The following QTMAN variants were observed in gnomAD, a reference collection of about 807,000 sequenced individuals.
QTMAN encodes the protein queuosine-tRNA mannosyltransferase.
the QTMAN span, among the ~76,000 whole-genome samples, chr2:144,316,070 TA>T: frequency 2.0e-5 from 3 of 152,186 alleles, no homozygotes; most frequent in African/African-American, 7.2e-5. Context: ...TGGCGAGACC[TA>T]ATCTCTACAG....
the QTMAN span, chr2:143,970,645 A>C: frequency 7.0e-7 from 1 of 1,428,122 alleles, no homozygotes; most frequent in African/African-American, 1.4e-5. Context: ...AAAATTCAAC[A>C]GAGGTACCTG....
the QTMAN span, among the ~76,000 whole-genome samples, chr2:144,165,392 T>A: frequency 3.1e-5 from 4 of 127,258 alleles, no homozygotes; most frequent in East Asian, 3.5e-4. Flanking sequence ...TAAATAAATA[T>A]AAATAAATAA....
the QTMAN span, among the ~76,000 whole-genome samples, chr2:144,109,312 T>C: frequency 6.6e-6 from 1 of 152,190 alleles, no homozygotes; most frequent in Non-Finnish European, 1.5e-5. Flanking sequence ...CCCTATTTAA[T>C]AAATGGTGCT....
the QTMAN span, among the ~76,000 whole-genome samples, chr2:144,160,050 G>T: frequency 1.3e-5 from 2 of 152,070 alleles, no homozygotes; most frequent in African/African-American, 4.8e-5. Flanking sequence ...GTTATGAGAT[G>T]ATTAGAGCAA....
chr2:144,049,764 G>A, the QTMAN span, among the ~76,000 whole-genome samples: 3 of 152,220 alleles, frequency 2.0e-5, no homozygotes, highest in African/African-American at 4.8e-5. Flanking sequence ...CATACATAAT[G>A]TCAGCAGCCT....
At chr2:144,177,264 A>AC in the QTMAN span, 25 of 665,476 alleles carry the variant, frequency 3.8e-5, 1 homozygote, top group Non-Finnish European at 6.2e-5. Context: ...AAAAAAAAAA[A>AC]AACATTGTTT....
the QTMAN span, among the ~76,000 whole-genome samples, chr2:144,172,742 G>T: frequency 6.6e-6 from 1 of 150,906 alleles, no homozygotes; most frequent in African/African-American, 2.4e-5. Context: ...AAAATACTAA[G>T]ATAAATATTT....
the QTMAN span, among the ~76,000 whole-genome samples, chr2:144,318,713 T>C: frequency 6.6e-6 from 1 of 152,234 alleles, no homozygotes; most frequent in Non-Finnish European, 1.5e-5. Context: ...TGAATAAAGA[T>C]TTCAAGGTAA....
chr2:143,944,265 CTACA>C, the QTMAN span: 1 of 151,334 alleles, frequency 6.6e-6, no homozygotes, highest in East Asian at 1.9e-4. Flanking sequence ...ACACACACTC[CTACA>C]TATTTTTAAA....
chr2:144,302,411 A>G, the QTMAN span, among the ~76,000 whole-genome samples: 1 of 152,164 alleles, frequency 6.6e-6, no homozygotes, highest in Non-Finnish European at 1.5e-5. Context: ...AACACTACAC[A>G]GATGAAATGA....
chr2:144,307,672 T>C, the QTMAN span, among the ~76,000 whole-genome samples: 4 of 152,252 alleles, frequency 2.6e-5, no homozygotes, highest in African/African-American at 9.6e-5. Flanking sequence ...AAATCAATTC[T>C]AGTTCTGTAT....
chr2:144,123,166 A>G, the QTMAN span, among the ~76,000 whole-genome samples: 88 of 152,306 alleles, frequency 5.8e-4, no homozygotes, highest in African/African-American at 2.1e-3. Context: ...CTATCATTAT[A>G]TCTTAACTAC....
the QTMAN span, among the ~76,000 whole-genome samples, chr2:144,159,937 A>AT: frequency 1.5e-3 from 224 of 152,116 alleles, no homozygotes; most frequent in Middle Eastern, 3.4e-3. Flanking sequence ...TTCAGGCTAT[A>AT]TTTTTTTAGG....
At chr2:144,008,286 C>A in the QTMAN span, among the ~76,000 whole-genome samples, 1 of 151,848 alleles carries the variant, frequency 6.6e-6, no homozygotes, top group Non-Finnish European at 1.5e-5. Flanking sequence ...GCCAACTAAC[C>A]TACGCTGGAA....
chr2:144,259,917 A>G, the QTMAN span, among the ~76,000 whole-genome samples: 2 of 152,304 alleles, frequency 1.3e-5, no homozygotes, highest in Admixed American at 1.3e-4. Context: ...TAAAACTAAA[A>G]CTAAATAACT....
chr2:144,228,188 T>G, the QTMAN span, among the ~76,000 whole-genome samples: 1 of 152,162 alleles, frequency 6.6e-6, no homozygotes, highest in Non-Finnish European at 1.5e-5. Context: ...CACTAACTCA[T>G]TTAAATTAAT....
the QTMAN span, among the ~76,000 whole-genome samples, chr2:144,129,244 T>C: frequency 1.3e-5 from 2 of 151,914 alleles, no homozygotes; most frequent in East Asian, 1.9e-4. Context: ...TAGGTGGGTG[T>C]CCAAAACAGA....
the QTMAN span, among the ~76,000 whole-genome samples, chr2:144,012,802 A>G: frequency 2.0e-5 from 3 of 152,186 alleles, no homozygotes; most frequent in Non-Finnish European, 4.4e-5. Flanking sequence ...TGTATGATTA[A>G]AGAGAAAGAG....
At chr2:144,214,379 C>T in the QTMAN span, among the ~76,000 whole-genome samples, 4 of 152,160 alleles carry the variant, frequency 2.6e-5, no homozygotes, top group African/African-American at 9.6e-5. Context: ...AATAATTTTG[C>T]AGTCATAAAA....
Sources: gnomAD v4.1 joint callset for allele counts (sites outside exome capture counted in the v4.1 genomes callset) on GRCh38, gnomAD v4.1.1 for gene constraint, MANE v1.5 for transcripts, NCBI Gene and HGNC (gene_info 2026-07-23, HGNC 2026-07-21) for gene names.